MMD2: variants seen among roughly 807,000 people sequenced by gnomAD.
MMD2 encodes monocyte to macrophage differentiation associated 2.
Under a neutral mutation model 33.5 loss-of-function variants are expected in MMD2, and 30 were observed. The ratio of observed to expected loss-of-function variants is 0.90; its 90% confidence interval spans 0.67 to 1.22. The LOEUF is 1.22. MMD2 is among the 50% of genes most tolerant of loss of function. MMD2 has a pLI of 0.00. For missense variants in MMD2, 364 were observed against 325.4 expected (o/e 1.12, Z -0.91); for synonymous variants, 129 against 123.0 (o/e 1.05, Z -0.32).
chr7:4,899,441 T>C, the MMD2 span, among the ~76,000 whole-genome samples: 5 of 151,616 alleles, frequency 3.3e-5, no homozygotes, highest in African/African-American at 1.2e-4. Context: ...CAGGCTGGAG[T>C]GCAGTACCAT....
intron 1 of MMD2, among the ~76,000 whole-genome samples, chr7:4,955,707 T>C: frequency 6.6e-6 from 1 of 152,234 alleles, no homozygotes; most frequent in Admixed American, 6.6e-5. Context: ...ATTTTTACTT[T>C]CTTATAACAA....
intron 2 of MMD2, among the ~76,000 whole-genome samples, chr7:4,924,108 C>T (rs1473386469): frequency 1.3e-5 from 2 of 152,184 alleles, no homozygotes; most frequent in South Asian, 2.1e-4. Context: ...AGGAGAATGG[C>T]ATGAACCCAG....
chr7:4,922,870 C>T (rs1683834801), intron 2 of MMD2, among the ~76,000 whole-genome samples: 1 of 152,164 alleles, frequency 6.6e-6, no homozygotes, highest in Admixed American at 6.6e-5. Context: ...ACATGCCCAT[C>T]ACCCTGCCCT....
intron 1 of MMD2, among the ~76,000 whole-genome samples, chr7:4,939,742 C>CTTT (rs71032999): frequency 7.0e-6 from 1 of 141,854 alleles, no homozygotes. Flanking sequence ...TTCTTTCTTT[C>CTTT]TTTTTTTTTT....
intron 1 of MMD2, among the ~76,000 whole-genome samples, chr7:4,954,996 A>G (rs1429975150): frequency 1.3e-5 from 2 of 152,286 alleles, no homozygotes; most frequent in African/African-American, 2.4e-5. Flanking sequence ...TAGGTTTATC[A>G]GCAACACCAT....
intron 1 of MMD2, among the ~76,000 whole-genome samples, chr7:4,930,631 C>G (rs763142553): frequency 8.9e-6 from 1 of 112,366 alleles, no homozygotes; most frequent in Non-Finnish European, 1.7e-5. Flanking sequence ...GCAACAAGAG[C>G]GAGACTCTGT....
At chr7:4,942,928 T>C (rs1225322899) in intron 1 of MMD2, among the ~76,000 whole-genome samples, 1 of 151,054 alleles carries the variant, frequency 6.6e-6, no homozygotes, top group Admixed American at 6.6e-5. Context: ...ATCCTGTCTA[T>C]ACTTCTGTCC....
rs1381447285 is a variant in MMD2, at chr7:4,911,261, G to T, written c.366-15C>A. 2 of 1,566,084 alleles carry T rather than the reference G, an allele frequency of 1.3e-6. No homozygotes were observed. The highest frequency in any genetic ancestry group is 1.7e-6 in the Non-Finnish European group (2 of 1,155,276). ...GAAGGTTCAGCCTGGGAGAGAAAGAGCCAAGGCCATGGCCCTGAGGGGGGC... is the reference window on the plus strand; with the variant it reads ...GAAGGTTCAGCCTGGGAGAGAAAGATCCAAGGCCATGGCCCTGAGGGGGGC... On this transcript the variant is annotated splice_polypyrimidine_tract_variant and intron_variant, in intron 4 of 6. Transcript: ENST00000401401.
chr7:4,905,142 G>A (rs1235130033), downstream of MMD2, among the ~76,000 whole-genome samples: 1 of 152,112 alleles, frequency 6.6e-6, no homozygotes, highest in African/African-American at 2.4e-5. This position sits in a 1 kb window ranked among gnomAD's most constrained non-coding sequence, Gnocchi z 5.0. Context: ...AGGTGCAGGT[G>A]TCAGACTGAG....
At chr7:4,914,658 C>T (rs764408722) in intron 4 of MMD2, among the ~76,000 whole-genome samples, 16 of 152,106 alleles carry the variant, frequency 1.1e-4, no homozygotes, top group Non-Finnish European at 2.4e-4. Flanking sequence ...AGGCCGGGCA[C>T]GGTGGCTCGC....
At chr7:4,936,451 G>A (rs1332627392) in intron 1 of MMD2, among the ~76,000 whole-genome samples, 1 of 152,076 alleles carries the variant, frequency 6.6e-6, no homozygotes, top group South Asian at 2.1e-4. Context: ...TTTTAGGATT[G>A]GGTGGGAGAT....
chr7:4,892,256 C>A, the MMD2 span, among the ~76,000 whole-genome samples: 1 of 152,054 alleles, frequency 6.6e-6, no homozygotes, highest in East Asian at 1.9e-4. Flanking sequence ...ACGATAAATA[C>A]AAACAATTTT....
chr7:4,908,415 T>C (rs1452683789), intron 6 of MMD2, among the ~76,000 whole-genome samples: 3 of 151,978 alleles, frequency 2.0e-5, no homozygotes, highest in African/African-American at 7.2e-5. Context: ...GTGCTGGGAT[T>C]ATAGGCGGAA....
intron 5 of MMD2, among the ~76,000 whole-genome samples, chr7:4,910,221 A>G (rs1424366596): frequency 1.3e-5 from 2 of 152,074 alleles, no homozygotes; most frequent in Non-Finnish European, 2.9e-5. Flanking sequence ...GATTACAAAC[A>G]TTGGGCATAG....
At chr7:4,954,575 G>A (rs1786334298) in intron 1 of MMD2, among the ~76,000 whole-genome samples, 1 of 151,918 alleles carries the variant, frequency 6.6e-6, no homozygotes, top group South Asian at 2.1e-4. Flanking sequence ...ACTTCACCAT[G>A]CCCAGCTAAT....
At chr7:4,933,309 C>A (rs1370593724) in intron 1 of MMD2, among the ~76,000 whole-genome samples, 1 of 152,124 alleles carries the variant, frequency 6.6e-6, no homozygotes, top group East Asian at 1.9e-4. Context: ...CTACAGTGAG[C>A]CAAGATCGTG....
intron 5 of MMD2, 96 bp from the exon 6 acceptor site, chr7:4,910,046 G>C (rs754923979): frequency 7.4e-6 from 12 of 1,612,556 alleles, no homozygotes; most frequent in Non-Finnish European, 1.0e-5. Context: ...GAACACTCTG[G>C]CCAGAACAGT....
chr7:4,940,158 G>T lies in MMD2; in HGVS notation c.48-14626C>A. On this transcript the variant is annotated intron_variant, in intron 1 of 6. Transcript: ENST00000401401. This position sits in a 1 kb window ranked among gnomAD's most constrained non-coding sequence, Gnocchi z 5.0. ...GGACTGACTAATGGGGTGTGAAGGG[G>T]TTCCTGAGGCCTGGCATGTTGAGCA... Among the ~76,000 whole-genome samples, 1 of 152,304 alleles carries T rather than the reference G, an allele frequency of 6.6e-6. No individual in the cohort carries two copies.
intron 3 of MMD2, among the ~76,000 whole-genome samples, chr7:4,916,663 G>A (rs1476219794): frequency 3.9e-5 from 6 of 152,052 alleles, no homozygotes; most frequent in Admixed American, 3.3e-4. Context: ...GATTACAAGC[G>A]TGAGCCACCG....
Sources: allele counts gnomAD v4.1 joint callset (sites outside exome capture counted in the v4.1 genomes callset), GRCh38; gene constraint gnomAD v4.1.1; non-coding constraint Gnocchi (gnomAD v3.1); transcripts MANE v1.5; gene names NCBI Gene and HGNC (gene_info 2026-07-23, HGNC 2026-07-21).